UGT1A7: variants seen among roughly 807,000 people sequenced by gnomAD.
The protein encoded by UGT1A7 is UDP glucuronosyltransferase family 1 member A7, also known as UDP-glucuronosyltransferase 1A7.
A neutral mutation model predicts 45.6 loss-of-function variants in UGT1A7; 33 were observed. The ratio of observed to expected loss-of-function variants is 0.72; its 90% CI spans 0.55 to 0.97. The LOEUF (loss-of-function observed/expected upper bound fraction) is 0.97. Ranked by LOEUF, UGT1A7 falls within the 50% of genes least tolerant of loss-of-function variation. UGT1A7 has a pLI of 0.00. For synonymous variants in UGT1A7, 274 were observed against 250.6 expected (o/e 1.09, Z -0.88); for missense variants, 684 against 666.2 (o/e 1.03, Z -0.29).
At chr2:233,749,544 A>G (rs1407004260) in intron 1 of UGT1A7, among the ~76,000 whole-genome samples, 1 of 151,906 alleles carries the variant, frequency 6.6e-6, no homozygotes, top group Non-Finnish European at 1.5e-5. Context: ...GTGGTAAAGA[A>G]CAGGCTAATG....
At chr2:233,712,212 A>T (rs1393545804) in intron 1 of UGT1A7, among the ~76,000 whole-genome samples, 1 of 152,178 alleles carries the variant, frequency 6.6e-6, no homozygotes, top group Non-Finnish European at 1.5e-5. Context: ...GGTGAGCAGG[A>T]GCTCCCTGAA....
intron 1 of UGT1A7, chr2:233,760,271 G>GC: frequency 2.5e-6 from 4 of 1,612,226 alleles, no homozygotes; most frequent in Non-Finnish European, 3.4e-6. Context: ...CGAACCTCTG[G>GC]CAGGAGCAAA....
At chr2:233,753,409 C>A (rs1226930464) in intron 1 of UGT1A7, 1 of 152,194 alleles carries the variant, frequency 6.6e-6, no homozygotes, top group African/African-American at 2.4e-5. Flanking sequence ...CATATCCAAA[C>A]CCATTGTCAC....
chr2:233,766,840 C>G (rs1430018242), intron 1 of UGT1A7, among the ~76,000 whole-genome samples, 194 bp from the exon 2 acceptor site: 6 of 152,184 alleles, frequency 3.9e-5, no homozygotes, highest in Admixed American at 2.0e-4. Flanking sequence ...AGCAGGAACC[C>G]TTCCTCCTTT....
At chr2:233,695,403 C>T (rs567357181) in intron 1 of UGT1A7, among the ~76,000 whole-genome samples, 6 of 150,700 alleles carry the variant, frequency 4.0e-5, no homozygotes, top group Admixed American at 6.6e-5. Flanking sequence ...GGATTACAGG[C>T]GTGAGCTACC....
chr2:233,744,270 A>G (rs1372853090), intron 1 of UGT1A7, among the ~76,000 whole-genome samples: 1 of 151,776 alleles, frequency 6.6e-6, no homozygotes, highest in Non-Finnish European at 1.5e-5. Flanking sequence ...TTCTTAAAGT[A>G]GGCTTTATAT....
Position 233,769,804 on chromosome 2 carries a change from G to A in UGT1A7, c.1295+1365G>A, listed in dbSNP as rs1028893693. On this transcript the variant is annotated intron_variant, in intron 4 of 4. Transcript: ENST00000373426. The surrounding 1 kb of genome is among the most constrained non-coding windows in gnomAD (Gnocchi z 4.4). ...CAGAAGTTGGAGGCTGCTATGAGCCGTGATCATGCCACTGCACTCCAGCAA... is the reference window on the plus strand; with the variant it reads ...CAGAAGTTGGAGGCTGCTATGAGCCATGATCATGCCACTGCACTCCAGCAA... 2.8e-5 allele frequency: 31 copies of A among 1,110,686 alleles called. No individual in the cohort carries two copies. The highest frequency in any genetic ancestry group is 1.3e-4 in the African/African-American group (8 of 62,658). The allele number at this position is 1,110,686 out of a possible 1,614,324, so 68.8% of individuals were successfully genotyped here.
At chr2:233,693,011 T>G (rs952718997) in intron 1 of UGT1A7, 2 of 1,614,200 alleles carry the variant, frequency 1.2e-6, no homozygotes, top group Non-Finnish European at 1.7e-6. Context: ...CAGGATGGCC[T>G]GCCTCCTTCG....
At chr2:233,739,640 A>G (rs1691162430) in intron 1 of UGT1A7, among the ~76,000 whole-genome samples, 1 of 152,122 alleles carries the variant, frequency 6.6e-6, no homozygotes, top group African/African-American at 2.4e-5. Context: ...GGGAACATTT[A>G]CCCAATTTCT....
At chr2:233,747,665 A>G in intron 1 of UGT1A7, 5 of 1,601,138 alleles carry the variant, frequency 3.1e-6, no homozygotes, top group Non-Finnish European at 4.3e-6. Context: ...TGGTTTTAAT[A>G]GACCCAATTT....
chr2:233,716,973 C>T (rs908382461), intron 1 of UGT1A7, among the ~76,000 whole-genome samples: 4 of 152,198 alleles, frequency 2.6e-5, no homozygotes, highest in Non-Finnish European at 2.9e-5. Flanking sequence ...GCTTCTCCCT[C>T]CCCACAGTCC....
chr2:233,705,147 A>G (rs1162115841), intron 1 of UGT1A7, among the ~76,000 whole-genome samples: 2 of 151,972 alleles, frequency 1.3e-5, no homozygotes, highest in Admixed American at 6.6e-5. Flanking sequence ...AAAAAAAAAA[A>G]AAGAGAGAGA....
At position 233,682,573 on chromosome 2, in the gene UGT1A7, G is replaced by T. The variant is rs779317114; in HGVS notation, c.636G>T (p.Met212Ile). The change falls in exon 1 of 5, where the codon ATG becomes ATT. Residue 212 changes from methionine to isoleucine, a missense_variant. By Grantham distance (10) the Met-to-Ile change is conservative. Transcript: ENST00000373426. ...AGGAGAGAGTATGGAACCACATCATGCACTTGGAGGAACATTTATTTTGCC... is the reference window on the plus strand; with the variant it reads ...AGGAGAGAGTATGGAACCACATCATTCACTTGGAGGAACATTTATTTTGCC... Reference protein sequence around the residue: ...TFKERVWNHIMHLEEHLFCPY... With the variant: ...TFKERVWNHIIHLEEHLFCPY... The T allele has an allele frequency of 6.2e-7, 1 of 1,613,788 alleles. No individual in the cohort carries two copies. Among genetic ancestry groups the T allele is most frequent in the South Asian group, 1.1e-5 (1 of 91,066 alleles).
At chr2:233,764,352 G>A (rs1698541814) in intron 1 of UGT1A7, among the ~76,000 whole-genome samples, 1 of 152,214 alleles carries the variant, frequency 6.6e-6, no homozygotes, top group Admixed American at 6.5e-5. Context: ...CCTTTATTGA[G>A]CCTCATAGTA....
At chr2:233,767,242 A>G in intron 2 of UGT1A7, 77 bp downstream of exon 2, 1 of 1,606,336 alleles carries the variant, frequency 6.2e-7, no homozygotes, top group African/African-American at 1.3e-5. Context: ...TTCCAGATTA[A>G]TTCTCTTAAT....
At chr2:233,752,177 T>C (rs1381514307) in intron 1 of UGT1A7, among the ~76,000 whole-genome samples, 5 of 152,176 alleles carry the variant, frequency 3.3e-5, no homozygotes, top group Non-Finnish European at 7.3e-5. Context: ...TGATGTAAGC[T>C]GAATTAAAAT....
intron 1 of UGT1A7, chr2:233,743,409 A>C: frequency 7.6e-7 from 1 of 1,312,950 alleles, no homozygotes; most frequent in South Asian, 1.2e-5. Flanking sequence ...AAAGGCCCCC[A>C]CTTCCCAGGG....
At chr2:233,729,825 C>A (rs770263678) in intron 1 of UGT1A7, 2 of 1,613,912 alleles carry the variant, frequency 1.2e-6, no homozygotes, top group Non-Finnish European at 1.7e-6. Flanking sequence ...CTTATGCAAG[C>A]CTTGCCTCTG....
At position 233,705,067 on chromosome 2, in the gene UGT1A7, C is replaced by T. The variant is rs141940353; in HGVS notation, c.855+22275C>T. ...AGGAGAATTGCTTGAACCCGGGAGGCGGAGGTTGCAGAGAGCCAAGATCGT... is the reference window on the plus strand; with the variant it reads ...AGGAGAATTGCTTGAACCCGGGAGGTGGAGGTTGCAGAGAGCCAAGATCGT... On this transcript the variant is annotated intron_variant, in intron 1 of 4. Transcript: ENST00000373426. 1.6e-3 allele frequency among the ~76,000 whole-genome samples: 242 copies of T among 150,442 alleles called. 6 individuals are homozygous for T. The East Asian group carries it at 0.044, about 28-fold the overall frequency.
Sources: allele counts gnomAD v4.1 joint callset (sites outside exome capture counted in the v4.1 genomes callset), GRCh38; gene constraint gnomAD v4.1.1; non-coding constraint Gnocchi (gnomAD v3.1); transcripts MANE v1.5; gene names NCBI Gene and HGNC (gene_info 2026-07-23, HGNC 2026-07-21).